The following FBXL13 variants were observed in gnomAD, a reference collection of about 807,000 sequenced individuals.
The protein encoded by FBXL13 is F-box and leucine rich repeat protein 13.
Under a neutral mutation model 83.6 loss-of-function variants are expected in FBXL13, and 67 were observed. The ratio of observed to expected loss-of-function variants is 0.80; its 90% CI spans 0.66 to 0.98. FBXL13 has a LOEUF of 0.98. Among genes scored for constraint, FBXL13 ranks in the 50% least tolerant of loss-of-function variants. The pLI is 0.00. For synonymous variants in FBXL13, 272 were observed against 299.5 expected (o/e 0.91, Z 0.95); for missense variants, 822 against 866.5 (o/e 0.95, Z 0.64).
chr7:102,844,194 T>A, intron 17 of FBXL13, among the ~76,000 whole-genome samples: 1 of 152,250 alleles, frequency 6.6e-6, no homozygotes, highest in East Asian at 1.9e-4. Flanking sequence ...GATACTTTTT[T>A]ATAATTAACT....
chr7:103,072,410 G>A (rs1451386849), intron 1 of FBXL13, among the ~76,000 whole-genome samples: 3 of 152,166 alleles, frequency 2.0e-5, no homozygotes, highest in Non-Finnish European at 4.4e-5. Context: ...CTTAGACAAT[G>A]GAGAATGCAT....
chr7:102,910,612 C>G (rs1814500034), intron 11 of FBXL13, among the ~76,000 whole-genome samples: 2 of 152,088 alleles, frequency 1.3e-5, no homozygotes. Context: ...CCTCTTACCC[C>G]TTACCACCAC....
chr7:103,010,023 C>T (rs886472902), intron 6 of FBXL13, among the ~76,000 whole-genome samples: 1 of 152,208 alleles, frequency 6.6e-6, no homozygotes, highest in Non-Finnish European at 1.5e-5. Context: ...TTCCTGTTGG[C>T]CCAGGAAACA....
intron 1 of FBXL13, among the ~76,000 whole-genome samples, chr7:103,066,415 A>G (rs1798394506): frequency 6.6e-6 from 1 of 150,958 alleles, no homozygotes; most frequent in African/African-American, 2.4e-5. Context: ...TTTTTGAGAC[A>G]GAGTCTTACT....
chr7:102,929,266 T>C (rs1818696099), intron 9 of FBXL13, among the ~76,000 whole-genome samples: 1 of 152,206 alleles, frequency 6.6e-6, no homozygotes, highest in South Asian at 2.1e-4. Flanking sequence ...TTCAAAGTGC[T>C]CAGTTCTAAA....
At chr7:103,022,782 A>G (rs1793362778) in intron 6 of FBXL13, among the ~76,000 whole-genome samples, 1 of 152,250 alleles carries the variant, frequency 6.6e-6, no homozygotes, top group Non-Finnish European at 1.5e-5. Flanking sequence ...TTCATTATGA[A>G]GATGCCAAAA....
intron 8 of FBXL13, among the ~76,000 whole-genome samples, chr7:102,955,915 C>T (rs1181835891): frequency 6.6e-6 from 1 of 152,004 alleles, no homozygotes; most frequent in Non-Finnish European, 1.5e-5. Flanking sequence ...AAAAAAAGAC[C>T]AGGACCAGAC....
rs562482295 is a variant in FBXL13 at position 102,855,831 on chromosome 7, G to GT, written c.1636-972dup. Among the ~76,000 whole-genome samples the GT allele has an allele frequency of 6.1e-3, 901 of 148,174 alleles. 9 individuals are homozygous for GT. The highest frequency in any genetic ancestry group is 0.02 in the African/African-American group (814 of 40,234). ...ATGGGCTATGCAAATATTATATCTT[G>GT]TTTTTTTTGTTTGTTTGTTTTGTTT... On this transcript the variant is annotated intron_variant, in intron 16 of 19. Transcript: ENST00000313221.
At chr7:103,038,858 G>A (rs940375419) in intron 2 of FBXL13, among the ~76,000 whole-genome samples, 13 of 152,198 alleles carry the variant, frequency 8.5e-5, no homozygotes, top group Non-Finnish European at 1.8e-4. Context: ...CCACAAAGAT[G>A]GGGAGAAACC....
intron 17 of FBXL13, chr7:102,834,471 A>ATG (rs1801509999): frequency 6.9e-6 from 1 of 144,474 alleles, no homozygotes; most frequent in African/African-American, 2.6e-5. Flanking sequence ...ATATATATAT[A>ATG]TATGTGATGT....
intron 10 of FBXL13, among the ~76,000 whole-genome samples, chr7:102,918,798 C>A (rs1218452291): frequency 6.6e-6 from 1 of 152,174 alleles, no homozygotes; most frequent in East Asian, 1.9e-4. Flanking sequence ...GCTCCCAAAT[C>A]ATCTACTTTG....
chr7:103,015,790 C>G (rs1339692230), intron 6 of FBXL13, among the ~76,000 whole-genome samples: 8 of 58,762 alleles, frequency 1.4e-4, no homozygotes, highest in African/African-American at 5.2e-4. Context: ...GAGTGAGACT[C>G]TCATCTCAAA....
chr7:102,914,470 T>C (rs752033089), intron 10 of FBXL13, among the ~76,000 whole-genome samples: 2 of 152,218 alleles, frequency 1.3e-5, no homozygotes, highest in Admixed American at 6.5e-5. Flanking sequence ...AACAGCTTAA[T>C]AGCAAATTAG....
chr7:102,942,199 A>G, intron 8 of FBXL13: 1 of 956,500 alleles, frequency 1.0e-6, no homozygotes, highest in Non-Finnish European at 1.6e-6. Flanking sequence ...CTTTCCTAGA[A>G]CAAAAGTTCT....
At chr7:102,996,533 A>C (rs1789808244) in intron 6 of FBXL13, among the ~76,000 whole-genome samples, 1 of 152,214 alleles carries the variant, frequency 6.6e-6, no homozygotes. Flanking sequence ...TCAAATCCAC[A>C]TTCAGTGAGA....
In FBXL13 at chr7:102,944,311, C is replaced by T; in HGVS notation, c.725-12378G>A. 1.9e-6 allele frequency: 3 copies of T among 1,613,930 alleles called. No homozygotes were observed. The South Asian group carries it at 3.3e-5, about 18-fold the overall frequency. On this transcript the variant is annotated intron_variant, in intron 8 of 19. Coordinates refer to ENST00000313221, the Ensembl canonical transcript of FBXL13. ...ATTAGAAGACTTGTATTTTTTGAAACTCTTGTGGCTCAGAGATAACCCTTG... is the reference window on the plus strand; with the variant it reads ...ATTAGAAGACTTGTATTTTTTGAAATTCTTGTGGCTCAGAGATAACCCTTG...
chr7:102,921,652 C>T (rs545250882), intron 10 of FBXL13, among the ~76,000 whole-genome samples: 44 of 152,154 alleles, frequency 2.9e-4, no homozygotes, highest in Non-Finnish European at 6.3e-4. Flanking sequence ...TGCACTCCAG[C>T]CTGGGCGACA....
Position 102,838,758 on chromosome 7 carries a change from C to T in FBXL13, c.1720-5784G>A, listed in dbSNP as rs188987793. On this transcript the variant is annotated intron_variant, in intron 17 of 19. Coordinates refer to ENST00000313221, the Ensembl canonical transcript of FBXL13. ...AGGCAGTATGCTGGGTAAAAGTCAT[C>T]GCCATTCTGCAGTCTCGATAAACCA... Among the ~76,000 whole-genome samples, 249 of 152,228 alleles carry T rather than the reference C, an allele frequency of 1.6e-3. 1 individual carries two copies. Among genetic ancestry groups the T allele is most frequent in the Non-Finnish European group, 2.3e-3 (156 of 68,012 alleles).
At chr7:102,914,570 A>C (rs1815444763) in intron 10 of FBXL13, among the ~76,000 whole-genome samples, 1 of 152,266 alleles carries the variant, frequency 6.6e-6, no homozygotes, top group Non-Finnish European at 1.5e-5. Context: ...ATAAATGGGA[A>C]ATAAGATATA....
Sources: allele counts gnomAD v4.1 joint callset (sites outside exome capture counted in the v4.1 genomes callset), GRCh38; gene constraint gnomAD v4.1.1; transcripts MANE v1.5; gene names NCBI Gene and HGNC (gene_info 2026-07-23, HGNC 2026-07-21).